Variants in SNTG2 observed in about 807,000 individuals in gnomAD.
The protein encoded by SNTG2 is gamma-2-syntrophin.
In SNTG2, 74 loss-of-function variants were observed where a neutral mutation model predicts 70.9. The observed-to-expected ratio is 1.04, with a 90% CI of 0.86 to 1.27. SNTG2 has a LOEUF of 1.27. SNTG2 is among the 50% of genes most tolerant of loss of function. The pLI is 0.00. For synonymous variants in SNTG2, 278 were observed against 273.8 expected, an observed-to-expected ratio of 1.02 and a Z score of -0.15; for missense variants, 717 against 690.7, an observed-to-expected ratio of 1.04 and a Z score of -0.43.
At chr2:1,029,598 G>A (rs529117028) in intron 1 of SNTG2, among the ~76,000 whole-genome samples, 1 of 152,302 alleles carries the variant, frequency 6.6e-6, no homozygotes, top group Admixed American at 6.5e-5. Flanking sequence ...TAGTTCTGGC[G>A]TTACACCCTG....
At chr2:1,041,947 T>C (rs545700197) in intron 1 of SNTG2, among the ~76,000 whole-genome samples, 8 of 152,324 alleles carry the variant, frequency 5.3e-5, no homozygotes, top group African/African-American at 1.7e-4. Flanking sequence ...GCACCATCTT[T>C]TTCCCAGAGT....
rs1035988353 is a variant in SNTG2, at chr2:1,115,679, T to C, written c.325+17269T>C. On this transcript the variant is annotated intron_variant, in intron 4 of 16. Coordinates refer to ENST00000308624, the MANE Select transcript of SNTG2 (RefSeq NM_018968.4). The stretch of plus-strand genomic sequence containing the variant: ...GGAGGATCGTGTGTACTAAGTGAGG[T>C]TTAACATTTACAGTCCTTTGAGAAG... 9.9e-5 allele frequency among the ~76,000 whole-genome samples: 15 copies of C among 151,698 alleles called. No homozygotes were observed. In the East Asian group the frequency reaches 2.1e-3, roughly 22 times the overall value.
chr2:1,041,755 T>C (rs996738097), intron 1 of SNTG2, among the ~76,000 whole-genome samples: 4 of 152,202 alleles, frequency 2.6e-5, no homozygotes, highest in African/African-American at 4.8e-5. Flanking sequence ...AGCCTGCAGA[T>C]CTGTGGGCTG....
chr2:1,173,039 G>A, intron 7 of SNTG2, 53 bp from the exon 8 acceptor site: 5 of 1,517,514 alleles, frequency 3.3e-6, no homozygotes, highest in Non-Finnish European at 4.6e-6. Flanking sequence ...CATGGTCACA[G>A]TGTGCTTTGT....
chr2:1,127,770 G>T (rs984145777), intron 4 of SNTG2, among the ~76,000 whole-genome samples: 2 of 151,956 alleles, frequency 1.3e-5, no homozygotes, highest in Admixed American at 6.6e-5. Flanking sequence ...TTCATTGTTC[G>T]TACTTAGAAC....
At chr2:1,274,292 T>G (rs967317065) in intron 14 of SNTG2, among the ~76,000 whole-genome samples, 10 of 152,348 alleles carry the variant, frequency 6.6e-5, no homozygotes, top group Admixed American at 5.9e-4. Context: ...AAAATGCTCA[T>G]AACAGCTTCA....
chr2:1,216,289 A>T (rs1674388332), intron 9 of SNTG2, among the ~76,000 whole-genome samples: 1 of 152,052 alleles, frequency 6.6e-6, no homozygotes, highest in Admixed American at 6.5e-5. Flanking sequence ...TTTGATTTGC[A>T]TTTCTCTGAT....
At chr2:1,171,451 GATTACGGGTATAAAATAACAGGC>G (rs1275714021) in intron 7 of SNTG2, among the ~76,000 whole-genome samples, 1 of 152,178 alleles carries the variant, frequency 6.6e-6, no homozygotes, top group Non-Finnish European at 1.5e-5. Flanking sequence ...CTGATAAGGT[GATTACGGGTATAAAATAACAGGC>G]ATTGGGAAAG....
chr2:1,148,173 C>A (rs1669221970), intron 6 of SNTG2, among the ~76,000 whole-genome samples: 1 of 152,166 alleles, frequency 6.6e-6, no homozygotes. Flanking sequence ...TCAGTGAGAG[C>A]AGAAACATTG....
At position 1,047,643 on chromosome 2, in the gene SNTG2, G is replaced by T. The variant is rs141697629; in HGVS notation, c.73-35875G>T. 3.2e-4 allele frequency among the ~76,000 whole-genome samples: 48 copies of T among 152,294 alleles called. No individual in the cohort carries two copies. The East Asian group carries it at 9.1e-3, about 29-fold the overall frequency. On this transcript the variant is annotated intron_variant, in intron 1 of 16. Coordinates refer to ENST00000308624, the MANE Select transcript of SNTG2 (RefSeq NM_018968.4). Reference sequence around the variant, plus strand: ...GGGAGTAAATTCTCAAAGTATTTTGGTGTTGCAGTTTGGGCTGCAATCTAG... The same window carrying T: ...GGGAGTAAATTCTCAAAGTATTTTGTTGTTGCAGTTTGGGCTGCAATCTAG...
Position 1,222,105 on chromosome 2 carries a change from GTCTCTCTCTGTC to G in SNTG2, c.719+12883_719+12894del, listed in dbSNP as rs1204695462. On this transcript the variant is annotated intron_variant, in intron 9 of 16. Transcript: ENST00000308624. ...TCTCTGTCTCTCTCTGTCTCTCTCT[GTCTCTCTCTGTC>G]TCTCTCTGTCTCTCTCTGTCTCTCT... is the stretch of plus-strand genomic sequence containing the variant. Among the ~76,000 whole-genome samples, 120 of 27,608 alleles carry G rather than the reference GTCTCTCTCTGTC, an allele frequency of 4.3e-3. 28 individuals are homozygous for G. Among genetic ancestry groups the G allele is most frequent in the Non-Finnish European group, 5.6e-3 (83 of 14,876 alleles). 18.1% of individuals were successfully genotyped at this position (27,608 alleles called of 152,430 possible).
intron 6 of SNTG2, among the ~76,000 whole-genome samples, chr2:1,148,065 G>T (rs7420885): frequency 0.94 from 142,560 of 152,188 alleles, 66,899 homozygotes; most frequent in Non-Finnish European, 0.97. Context: ...CATTTTTCTG[G>T]CTCCTTGTTG....
At chr2:1,076,069 G>C (rs1663895846) in intron 1 of SNTG2, among the ~76,000 whole-genome samples, 1 of 152,182 alleles carries the variant, frequency 6.6e-6, no homozygotes, top group South Asian at 2.1e-4. Flanking sequence ...AGGGGCTTAT[G>C]TTCTACATAT....
chr2:1,044,107 T>C (rs1446829788), intron 1 of SNTG2, among the ~76,000 whole-genome samples: 1 of 152,154 alleles, frequency 6.6e-6, no homozygotes, highest in East Asian at 1.9e-4. Flanking sequence ...GTAATTCTTA[T>C]TGTAGGGAGC....
chr2:1,128,091 T>C (rs577612795), intron 4 of SNTG2, among the ~76,000 whole-genome samples: 6 of 152,332 alleles, frequency 3.9e-5, no homozygotes, highest in African/African-American at 1.2e-4. Flanking sequence ...ATGTGGCCTT[T>C]ATTGTTTTGA....
intron 1 of SNTG2, among the ~76,000 whole-genome samples, chr2:1,048,415 G>T (rs1026264740): frequency 1.6e-4 from 24 of 152,072 alleles, no homozygotes; most frequent in African/African-American, 5.8e-4. Context: ...AATTTTCCCT[G>T]ATGCCAAACT....
intron 4 of SNTG2, among the ~76,000 whole-genome samples, chr2:1,112,111 T>C (rs1666504905): frequency 6.6e-6 from 1 of 151,514 alleles, no homozygotes; most frequent in Non-Finnish European, 1.5e-5. Context: ...TACAGTACTT[T>C]GAGGATAATC....
intron 9 of SNTG2, among the ~76,000 whole-genome samples, chr2:1,230,616 G>A (rs1333773498): frequency 6.6e-6 from 1 of 152,198 alleles, no homozygotes; most frequent in Non-Finnish European, 1.5e-5. Flanking sequence ...TGGAGTAAAC[G>A]CAGATAACCA....
chr2:1,048,962 T>C (rs1661898697), intron 1 of SNTG2, among the ~76,000 whole-genome samples: 1 of 152,216 alleles, frequency 6.6e-6, no homozygotes. Context: ...GTCATTCACA[T>C]AGCCTTTTTA....
Sources: gnomAD v4.1 joint callset for allele counts (sites outside exome capture counted in the v4.1 genomes callset) on GRCh38, gnomAD v4.1.1 for gene constraint, MANE v1.5 for transcripts, NCBI Gene and HGNC (gene_info 2026-07-23, HGNC 2026-07-21) for gene names.